SDK1: variants seen among roughly 807,000 people sequenced by gnomAD.
The protein encoded by SDK1 is sidekick cell adhesion molecule 1.
A neutral mutation model predicts 245.5 loss-of-function variants in SDK1; 157 were observed. That is an observed-to-expected ratio of 0.64 (90% confidence interval 0.56 to 0.73). The LOEUF (loss-of-function observed/expected upper bound fraction) is 0.73, where lower values mean the gene tolerates loss of function less well. Ranked by LOEUF, SDK1 falls within the 30% of genes least tolerant of loss-of-function variation. The probability of loss-of-function intolerance (pLI) is 0.00; values close to 1 mark genes in which losing one functional copy is unlikely to be tolerated. For missense variants in SDK1, 3,583 were observed against 3,002.3 expected, an observed-to-expected ratio of 1.19 and a Z score of -4.52; for synonymous variants, 1,647 against 1,278.5, an observed-to-expected ratio of 1.29 and a Z score of -6.15.
chr7:3,395,903 A>G (rs1288182481), intron 1 of SDK1, among the ~76,000 whole-genome samples: 2 of 151,486 alleles, frequency 1.3e-5, no homozygotes, highest in Non-Finnish European at 3.0e-5. Flanking sequence ...TTTTGTTTTT[A>G]AAGAACCACC....
In SDK1 at chr7:3,358,055, T is replaced by A. The variant is rs73292195; in HGVS notation, c.298+56171T>A. Among the ~76,000 whole-genome samples, 905 of 152,248 alleles carry A rather than the reference T, an allele frequency of 5.9e-3. 10 individuals carry two copies. Among genetic ancestry groups the A allele is most frequent in the African/African-American group, 0.021 (876 of 41,532 alleles). On this transcript the variant is annotated intron_variant, in intron 1 of 44. Transcript: ENST00000404826. The stretch of plus-strand genomic sequence containing the variant: ...TTTTGGGGGATGGACAGAGTCTTAC[T>A]CTGTGTCCCAGGCTGGAGTGCAGTG...
chr7:3,967,398 T>C lies in SDK1; in HGVS notation c.1510T>C (p.Ser504Pro). 1 of 1,614,000 alleles carries C rather than the reference T, an allele frequency of 6.2e-7. No individual in the cohort carries two copies. The highest frequency in any genetic ancestry group is 1.7e-4 in the Middle Eastern group (1 of 6,048). The change falls in exon 10 of 45, where the codon TCC becomes CCC. Residue 504 changes from serine (S) to proline (P), a missense_variant. Physicochemically the swap from Ser to Pro is moderately conservative, Grantham distance 74. Transcript: ENST00000404826. The part of the protein sequence containing the change: ...GMTAILRCEV[S>P]GAPKPAITWK... ...GACAGCCATTCTAAGGTGTGAGGTG[T>C]CCGGGGCTCCCAAACCCGCCATCAC...
At chr7:3,980,348 G>A (rs1783304445) in intron 13 of SDK1, among the ~76,000 whole-genome samples, 1 of 152,106 alleles carries the variant, frequency 6.6e-6, no homozygotes, top group South Asian at 2.1e-4. Flanking sequence ...TGTGCCTGAC[G>A]GTGGTTTTCC....
chr7:4,088,781 T>C (rs1781591830), intron 22 of SDK1, among the ~76,000 whole-genome samples: 1 of 152,234 alleles, frequency 6.6e-6, no homozygotes, highest in Non-Finnish European at 1.5e-5. Context: ...CTTGGCCTTT[T>C]CTGGTTGTAG....
intron 1 of SDK1, among the ~76,000 whole-genome samples, chr7:3,353,776 C>T (rs890700266): frequency 6.6e-5 from 10 of 151,888 alleles, no homozygotes; most frequent in Admixed American, 4.6e-4. Context: ...GGTGAAGGAA[C>T]ATTAACTGTA....
chr7:4,150,596 C>T (rs1408161739), intron 30 of SDK1, among the ~76,000 whole-genome samples: 1 of 152,242 alleles, frequency 6.6e-6, no homozygotes, highest in African/African-American at 2.4e-5. Context: ...CAGCCATCCT[C>T]GTCTTCGAGG....
chr7:4,237,842 G>A (rs1042022886), intron 42 of SDK1, 58 bp downstream of exon 42: 180 of 1,594,322 alleles, frequency 1.1e-4, no homozygotes, highest in Non-Finnish European at 1.4e-4. Context: ...AAAACATAGC[G>A]TTCGTTCTCT....
chr7:3,380,970 A>T (rs1243439317), intron 1 of SDK1, among the ~76,000 whole-genome samples: 1 of 152,232 alleles, frequency 6.6e-6, no homozygotes, highest in African/African-American at 2.4e-5. Flanking sequence ...AAACTGGAGC[A>T]CATTGCTGTT....
At chr7:3,902,573 T>G (rs1781826967) in intron 5 of SDK1, among the ~76,000 whole-genome samples, 1 of 152,230 alleles carries the variant, frequency 6.6e-6, no homozygotes, top group African/African-American at 2.4e-5. Context: ...ACCTATTTGA[T>G]GTATAGCTAG....
intron 1 of SDK1, among the ~76,000 whole-genome samples, chr7:3,311,761 A>C (rs1222092859): frequency 6.6e-6 from 1 of 152,154 alleles, no homozygotes; most frequent in Non-Finnish European, 1.5e-5. Flanking sequence ...CTGTGGACAA[A>C]ATATAACAAG....
intron 4 of SDK1, among the ~76,000 whole-genome samples, chr7:3,657,712 G>A (rs1181225368): frequency 6.6e-6 from 1 of 152,216 alleles, no homozygotes; most frequent in Non-Finnish European, 1.5e-5. Flanking sequence ...GGGCCAGGCA[G>A]CGTGCAGCCT....
intron 6 of SDK1, 127 bp from the exon 7 acceptor site, chr7:3,951,603 G>A (rs188241426): frequency 8.1e-6 from 6 of 742,536 alleles, no homozygotes; most frequent in Admixed American, 2.5e-5. Context: ...TTCAGTGTCC[G>A]TTGTTCAACC....
At chr7:3,537,011 A>C (rs1222760065) in intron 1 of SDK1, among the ~76,000 whole-genome samples, 1 of 152,228 alleles carries the variant, frequency 6.6e-6, no homozygotes, top group Non-Finnish European at 1.5e-5. Flanking sequence ...TAATTTACAC[A>C]TATTAAAATG....
intron 29 of SDK1, among the ~76,000 whole-genome samples, chr7:4,146,912 A>G (rs537097449): frequency 6.6e-6 from 1 of 152,186 alleles, no homozygotes; most frequent in Non-Finnish European, 1.5e-5. Context: ...TGCAGAGCTG[A>G]GATTTGGACT....
At chr7:4,052,877 A>G (rs1458618870) in intron 19 of SDK1, among the ~76,000 whole-genome samples, 4 of 152,012 alleles carry the variant, frequency 2.6e-5, no homozygotes, top group Non-Finnish European at 5.9e-5. Flanking sequence ...TCACGAGGTC[A>G]GGAGTTCACG....
intron 32 of SDK1, among the ~76,000 whole-genome samples, chr7:4,163,814 C>T (rs1353336919): frequency 2.6e-5 from 4 of 152,182 alleles, no homozygotes; most frequent in Admixed American, 1.3e-4. Context: ...GGAGGGGCTC[C>T]GCTTTCACCC....
At chr7:4,153,717 C>G (rs1398137928) in intron 30 of SDK1, among the ~76,000 whole-genome samples, 1 of 152,208 alleles carries the variant, frequency 6.6e-6, no homozygotes, top group Non-Finnish European at 1.5e-5. Context: ...TTGTCTGTCA[C>G]CTGGGCTGGA....
At chr7:4,034,874 A>G (rs1459325096) in intron 17 of SDK1, among the ~76,000 whole-genome samples, 3 of 152,260 alleles carry the variant, frequency 2.0e-5, no homozygotes, top group Non-Finnish European at 2.9e-5. Context: ...AACTAGAGCT[A>G]TGGGGAAAAA....
At position 3,878,141 on chromosome 7, in the gene SDK1, A is replaced by G. The variant is rs552847182; in HGVS notation, c.847+56558A>G. 9.2e-5 allele frequency among the ~76,000 whole-genome samples: 14 copies of G among 152,376 alleles called. No homozygotes were observed. In the South Asian group the frequency reaches 2.9e-3, roughly 32 times the overall value. On this transcript the variant is annotated intron_variant, in intron 5 of 44. Coordinates refer to ENST00000404826, the MANE Select transcript of SDK1 (RefSeq NM_152744.4). The stretch of plus-strand genomic sequence containing the variant: ...ACATTTTTATAGTCTTTGATAAATG[A>G]GAGAAGTTTCTCCCCAAAATCAAAC...
Sources: allele counts gnomAD v4.1 joint callset (sites outside exome capture counted in the v4.1 genomes callset), GRCh38; gene constraint gnomAD v4.1.1; transcripts MANE v1.5; gene names NCBI Gene and HGNC (gene_info 2026-07-23, HGNC 2026-07-21).